The following ATP9B variants were observed in gnomAD, a reference collection of about 807,000 sequenced individuals.
ATP9B encodes the protein ATPase phospholipid transporting 9B, also known as probable phospholipid-transporting ATPase IIB.
ATP9B carries 110 observed loss-of-function variants against 146.1 expected under a neutral mutation model. The observed-to-expected ratio is 0.75, with a 90% CI of 0.65 to 0.88. The LOEUF is 0.88. Ranked by LOEUF, ATP9B falls within the 40% of genes least tolerant of loss-of-function variation. The pLI is 0.00. For synonymous variants in ATP9B, 604 were observed against 569.7 expected, an observed-to-expected ratio of 1.06 and a Z score of -0.86; for missense variants, 1,499 against 1,496.4, an observed-to-expected ratio of 1.00 and a Z score of -0.03.
intron 26 of ATP9B, 38 bp downstream of exon 26, chr18:79,359,500 C>A: frequency 2.0e-6 from 3 of 1,465,816 alleles, no homozygotes; most frequent in African/African-American, 1.4e-5. Flanking sequence ...TCACGACTAG[C>A]ACCCACATCT....
chr18:79,071,049 C>CTTTTTT (rs746689031), intron 1 of ATP9B, among the ~76,000 whole-genome samples: 4 of 112,368 alleles, frequency 3.6e-5, no homozygotes, highest in East Asian at 2.7e-4. Flanking sequence ...ATTCCTGTTT[C>CTTTTTT]TTTTTTTTTT....
intron 4 of ATP9B, among the ~76,000 whole-genome samples, chr18:79,125,873 A>G (rs2094277272): frequency 6.6e-6 from 1 of 152,228 alleles, no homozygotes; most frequent in East Asian, 1.9e-4. Flanking sequence ...TTCTGTAAGA[A>G]AAATTTAAGT....
chr18:79,292,915 C>G (rs2096521282), intron 13 of ATP9B, among the ~76,000 whole-genome samples: 1 of 151,994 alleles, frequency 6.6e-6, no homozygotes, highest in Admixed American at 6.6e-5. Flanking sequence ...AGCTATTACA[C>G]CTGGCAGCAG....
At chr18:79,165,091 A>G (rs1316853406) in intron 7 of ATP9B, among the ~76,000 whole-genome samples, 1 of 152,254 alleles carries the variant, frequency 6.6e-6, no homozygotes, top group Non-Finnish European at 1.5e-5. Flanking sequence ...TATGACACTC[A>G]TGACAGGCTT....
intron 5 of ATP9B, 118 bp from the exon 6 acceptor site, chr18:79,143,683 GA>G: frequency 1.7e-6 from 1 of 605,688 alleles, no homozygotes; most frequent in Non-Finnish European, 2.8e-6. Flanking sequence ...CAAGTATAGG[GA>G]AATTTCTAAA....
intron 1 of ATP9B, among the ~76,000 whole-genome samples, chr18:79,079,278 A>G (rs1241282210): frequency 1.3e-5 from 2 of 152,244 alleles, no homozygotes; most frequent in East Asian, 1.9e-4. Flanking sequence ...ACTCCCACCA[A>G]CAGTATAAAA....
chr18:79,342,446 A>G (rs917857678), intron 20 of ATP9B, 80 bp downstream of exon 20: 16 of 918,686 alleles, frequency 1.7e-5, no homozygotes, highest in East Asian at 5.5e-5. Flanking sequence ...GTCAGAATAT[A>G]TATTTATTAA....
Position 79,348,119 on chromosome 18 carries a change from GCTCT to G in ATP9B, c.2839-7_2839-4del, listed in dbSNP as rs748080034. Reference sequence around the variant, plus strand: ...AACTGACAGTTGTCTTCGTCTGTGGGCTCTCTCTCCAGGCTGTGTTTTCCTCAGT... The same window carrying G: ...AACTGACAGTTGTCTTCGTCTGTGGGCTCTCCAGGCTGTGTTTTCCTCAGT... On this transcript the variant is annotated splice_polypyrimidine_tract_variant and intron_variant, in intron 24 of 29. Transcript: ENST00000426216. The G allele has an allele frequency of 3.7e-6, 6 of 1,613,700 alleles. No individual in the cohort carries two copies. The South Asian group carries it at 4.4e-5, about 12-fold the overall frequency.
At chr18:79,196,574 G>T (rs2095419876) in intron 9 of ATP9B, among the ~76,000 whole-genome samples, 1 of 152,180 alleles carries the variant, frequency 6.6e-6, no homozygotes, top group Non-Finnish European at 1.5e-5. Context: ...AAGGAGAGTA[G>T]GATGAAGGCA....
chr18:79,163,917 G>GAGAC lies in ATP9B; in HGVS notation c.778+9378_778+9381dup, dbSNP rs756646232. 1.6e-4 allele frequency among the ~76,000 whole-genome samples: 23 copies of GAGAC among 145,152 alleles called. No homozygotes were observed. The East Asian group carries it at 3.7e-3, about 23-fold the overall frequency. On this transcript the variant is annotated intron_variant, in intron 7 of 29. Transcript: ENST00000426216. ...ACACACACACACACAGGGGGAGACAGAGACAGACAGACAGACAGAGACAGA... is the reference window on the plus strand; with the variant it reads ...ACACACACACACACAGGGGGAGACAGAGACAGACAGACAGACAGACAGAGACAGA...
chr18:79,101,302 TACTC>T (rs1568176596), intron 2 of ATP9B, among the ~76,000 whole-genome samples: 1 of 152,176 alleles, frequency 6.6e-6, no homozygotes, highest in East Asian at 1.9e-4. Context: ...TAACTGAAAT[TACTC>T]AATATGTGAT....
chr18:79,206,880 G>A (rs2148346134), intron 9 of ATP9B, 57 bp from the exon 10 acceptor site: 5 of 1,511,946 alleles, frequency 3.3e-6, no homozygotes, highest in South Asian at 1.1e-5. Context: ...GTTATATAAG[G>A]TGTGAATAAT....
intron 1 of ATP9B, among the ~76,000 whole-genome samples, chr18:79,093,479 T>C (rs1236899291): frequency 6.6e-6 from 1 of 152,254 alleles, no homozygotes; most frequent in Non-Finnish European, 1.5e-5. Flanking sequence ...ATTTTTTCCT[T>C]CATCTTTGCT....
chr18:79,349,700 A>G (rs1045198834), intron 25 of ATP9B, among the ~76,000 whole-genome samples: 20 of 152,180 alleles, frequency 1.3e-4, no homozygotes, highest in African/African-American at 4.6e-4. Flanking sequence ...TTCCTGAGTT[A>G]GAATCACTGA....
chr18:79,296,244 A>G (rs2096546905), intron 13 of ATP9B, among the ~76,000 whole-genome samples: 1 of 152,200 alleles, frequency 6.6e-6, no homozygotes, highest in Admixed American at 6.5e-5. Flanking sequence ...TTGAACTCCT[A>G]GGCCCAAGCC....
intron 10 of ATP9B, 101 bp from the exon 11 acceptor site, chr18:79,213,861 A>G (rs1301474042): frequency 2.4e-6 from 2 of 833,154 alleles, no homozygotes; most frequent in South Asian, 2.0e-5. Flanking sequence ...ATAAAATCAA[A>G]TAGTGTGATA....
chr18:79,337,198 C>G (rs56360805), intron 18 of ATP9B, 81 bp from the exon 19 acceptor site: 1 of 1,538,418 alleles, frequency 6.5e-7, no homozygotes, highest in Non-Finnish European at 8.8e-7. Flanking sequence ...TCTGTCCCCA[C>G]AGCCCATGCA....
intron 9 of ATP9B, among the ~76,000 whole-genome samples, chr18:79,205,416 A>G (rs959495620): frequency 3.9e-5 from 3 of 76,378 alleles, no homozygotes; most frequent in Non-Finnish European, 8.0e-5. Context: ...ACATAAACGT[A>G]TTTTGTACAT....
At chr18:79,113,853 T>C (rs902937514) in intron 4 of ATP9B, among the ~76,000 whole-genome samples, 14 of 152,262 alleles carry the variant, frequency 9.2e-5, no homozygotes, top group African/African-American at 3.4e-4. Flanking sequence ...CCATTTCAAA[T>C]ATATGCTGTC....
Sources: allele counts gnomAD v4.1 joint callset (sites outside exome capture counted in the v4.1 genomes callset), GRCh38; gene constraint gnomAD v4.1.1; transcripts MANE v1.5; gene names NCBI Gene and HGNC (gene_info 2026-07-23, HGNC 2026-07-21).